The following SLC5A4 variants were observed in gnomAD, a reference collection of about 807,000 sequenced individuals.
SLC5A4 encodes probable glucose sensor protein SLC5A4.
Under a neutral mutation model 70.3 loss-of-function variants are expected in SLC5A4, and 55 were observed. That is an observed-to-expected ratio of 0.78 (90% CI 0.63 to 0.98). The LOEUF is 0.98. Among genes scored for constraint, SLC5A4 ranks in the 50% least tolerant of loss-of-function variants. The probability of loss-of-function intolerance (pLI) is 0.00; values close to 1 mark genes in which losing one functional copy is unlikely to be tolerated. For missense variants in SLC5A4, 735 were observed against 839.2 expected (o/e 0.88, Z 1.53); for synonymous variants, 268 against 305.7 (o/e 0.88, Z 1.29).
chr22:32,328,900 C>G, the SLC5A4 span, among the ~76,000 whole-genome samples: 3 of 152,208 alleles, frequency 2.0e-5, no homozygotes, highest in Non-Finnish European at 2.9e-5. Flanking sequence ...TGACCTTGGC[C>G]TGCACACCCC....
intron 5 of SLC5A4, 141 bp downstream of exon 5, chr22:32,247,270 A>T (rs1370125268): frequency 4.8e-6 from 3 of 623,270 alleles, no homozygotes; most frequent in Non-Finnish European, 8.7e-6. Context: ...TTGAAGAGAC[A>T]GTCCTGAGAA....
chr22:32,282,335 C>A, the SLC5A4 span, among the ~76,000 whole-genome samples: 1 of 152,152 alleles, frequency 6.6e-6, no homozygotes, highest in East Asian at 1.9e-4. Context: ...GAGCCACCCA[C>A]TGAGTCTGAC....
At chr22:32,351,500 A>G in the SLC5A4 span, among the ~76,000 whole-genome samples, 52,000 of 150,792 alleles carry the variant, frequency 0.34, 11,205 homozygotes, top group African/African-American at 0.61. Context: ...TCAGGAGTTC[A>G]ATACCAGCCT....
chr22:32,225,054 T>C (rs888464878), intron 12 of SLC5A4, among the ~76,000 whole-genome samples: 2 of 152,196 alleles, frequency 1.3e-5, no homozygotes, highest in African/African-American at 4.8e-5. Flanking sequence ...TAATATTAAG[T>C]AACATGTGGA....
chr22:32,234,142 A>T (rs1206784627), intron 8 of SLC5A4, among the ~76,000 whole-genome samples: 2 of 152,192 alleles, frequency 1.3e-5, no homozygotes, highest in African/African-American at 2.4e-5. Context: ...TCACTTGGGG[A>T]TCAAGTTAAT....
At chr22:32,261,252 C>G in the SLC5A4 span, among the ~76,000 whole-genome samples, 1 of 152,208 alleles carries the variant, frequency 6.6e-6, no homozygotes, top group Non-Finnish European at 1.5e-5. Flanking sequence ...GGCTGCAGTT[C>G]AGGTCCTGGG....
chr22:32,323,730 T>C, the SLC5A4 span, among the ~76,000 whole-genome samples: 3 of 152,210 alleles, frequency 2.0e-5, no homozygotes, highest in Admixed American at 1.3e-4. Flanking sequence ...CTCACTCCTT[T>C]ACAGGCCATT....
At chr22:32,264,868 C>T in the SLC5A4 span, among the ~76,000 whole-genome samples, 13 of 152,162 alleles carry the variant, frequency 8.5e-5, no homozygotes, top group South Asian at 1.5e-3. Context: ...GAACCCCGCA[C>T]GTTTATAGTC....
At chr22:32,259,141 A>G (rs916892970), upstream of SLC5A4, among the ~76,000 whole-genome samples, 1 of 152,242 alleles carries the variant, frequency 6.6e-6, no homozygotes, top group African/African-American at 2.4e-5. Context: ...AGTGGCAGAG[A>G]TCTGCTGTAC....
the SLC5A4 span, among the ~76,000 whole-genome samples, chr22:32,344,416 C>T: frequency 6.6e-6 from 1 of 152,152 alleles, no homozygotes; most frequent in Non-Finnish European, 1.5e-5. Context: ...AAAATCCCTT[C>T]TAAAAATCTT....
At chr22:32,288,671 C>T in the SLC5A4 span, among the ~76,000 whole-genome samples, 23 of 152,032 alleles carry the variant, frequency 1.5e-4, no homozygotes, top group African/African-American at 4.1e-4. Context: ...CTCAGCCACC[C>T]GAGTAGCTGG....
chr22:32,302,247 A>T, the SLC5A4 span, among the ~76,000 whole-genome samples: 1 of 121,496 alleles, frequency 8.2e-6, no homozygotes, highest in African/African-American at 3.1e-5. Flanking sequence ...TTTACTTTTG[A>T]GTGTTTTTTT....
chr22:32,292,949 T>A, the SLC5A4 span, among the ~76,000 whole-genome samples: 1 of 152,212 alleles, frequency 6.6e-6, no homozygotes, highest in Middle Eastern at 3.2e-3. Flanking sequence ...TTTGAGGTTA[T>A]GTGTCAGTAG....
At chr22:32,352,982 A>G in the SLC5A4 span, among the ~76,000 whole-genome samples, 1 of 152,212 alleles carries the variant, frequency 6.6e-6, no homozygotes, top group Admixed American at 6.5e-5. Flanking sequence ...TCCTCCTGGC[A>G]TGAAACAACT....
At chr22:32,314,050 G>A in the SLC5A4 span, among the ~76,000 whole-genome samples, 1 of 152,316 alleles carries the variant, frequency 6.6e-6, no homozygotes, top group South Asian at 2.1e-4. Context: ...GAAGTCAAGG[G>A]AGTGGCTCCG....
At chr22:32,305,485 C>T in the SLC5A4 span, among the ~76,000 whole-genome samples, 2 of 148,908 alleles carry the variant, frequency 1.3e-5, no homozygotes, top group Non-Finnish European at 3.0e-5. Context: ...CAGTATTTGC[C>T]ACCATCCATT....
At chr22:32,312,350 A>C in the SLC5A4 span, among the ~76,000 whole-genome samples, 4 of 121,408 alleles carry the variant, frequency 3.3e-5, no homozygotes, top group East Asian at 9.6e-4. Context: ...AACACCCCAA[A>C]TCACACGCGC....
rs777967094 is a variant in SLC5A4 at position 32,218,625 on chromosome 22, C to A, written c.1869G>T (p.Leu623Phe). The A allele has an allele frequency of 2.5e-6, 4 of 1,613,932 alleles. No individual in the cohort carries two copies. Among genetic ancestry groups the A allele is most frequent in the Non-Finnish European group, 2.5e-6 (3 of 1,179,972 alleles). ...PKLTKEEEEA[L>F]SKKLTDTSER... Reference sequence around the variant, plus strand: ...CAGACGTGTCTGTGAGCTTCTTGCTCAAGGCTTCCTCCTCCTCCTTGGTTA... The same window carrying A: ...CAGACGTGTCTGTGAGCTTCTTGCTAAAGGCTTCCTCCTCCTCCTTGGTTA... The change falls in exon 15 of 15, where the codon TTG becomes TTT. Residue 623 changes from leucine to phenylalanine, a missense_variant. By Grantham distance (22) the Leu-to-Phe change is conservative. Transcript: ENST00000266086.
the SLC5A4 span, among the ~76,000 whole-genome samples, chr22:32,292,153 A>G: frequency 2.0e-5 from 1 of 50,520 alleles, no homozygotes; most frequent in Non-Finnish European, 3.9e-5. Flanking sequence ...TATTCTATAT[A>G]TTATATATAT....
Sources: allele counts gnomAD v4.1 joint callset (sites outside exome capture counted in the v4.1 genomes callset), GRCh38; gene constraint gnomAD v4.1.1; transcripts MANE v1.5; gene names NCBI Gene and HGNC (gene_info 2026-07-23, HGNC 2026-07-21).